SOX5: variants seen among roughly 807,000 people sequenced by gnomAD.
SOX5 encodes the protein SRY-box transcription factor 5.
A neutral mutation model predicts 92.0 loss-of-function variants in SOX5; 9 were observed. The observed-to-expected ratio is 0.10, with a 90% confidence interval of 0.06 to 0.17. SOX5 has a LOEUF of 0.17. Ranked by LOEUF, SOX5 falls within the 10% of genes least tolerant of loss-of-function variation. SOX5 has a pLI of 1.00. For missense variants in SOX5, 642 were observed against 944.5 expected, an observed-to-expected ratio of 0.68 and a Z score of 4.20; for synonymous variants, 344 against 336.3, an observed-to-expected ratio of 1.02 and a Z score of -0.25.
chr12:24,295,077 T>C (rs1167230762), intron 2 of SOX5, among the ~76,000 whole-genome samples: 4 of 152,120 alleles, frequency 2.6e-5, no homozygotes, highest in Non-Finnish European at 5.9e-5. Context: ...AGAACGTATT[T>C]ATCATGTATA....
At chr12:24,160,056 C>A (rs1019377191) in intron 4 of SOX5, among the ~76,000 whole-genome samples, 1 of 151,904 alleles carries the variant, frequency 6.6e-6, no homozygotes, top group Non-Finnish European at 1.5e-5. Flanking sequence ...AGATCACTCC[C>A]TCGAACAATA....
At chr12:24,017,677 C>G (rs1953812381) in intron 4 of SOX5, among the ~76,000 whole-genome samples, 1 of 151,870 alleles carries the variant, frequency 6.6e-6, no homozygotes, top group Admixed American at 6.6e-5. Flanking sequence ...CACCACAGAC[C>G]AGGGCCACTA....
chr12:23,764,415 G>T (rs1181821263), intron 3 of SOX5, among the ~76,000 whole-genome samples: 1 of 151,910 alleles, frequency 6.6e-6, no homozygotes, highest in African/African-American at 2.4e-5. Context: ...CAAGAATCAG[G>T]CATTTAAAAA....
intron 2 of SOX5, among the ~76,000 whole-genome samples, chr12:24,323,901 T>G (rs904616378): frequency 6.6e-6 from 1 of 152,076 alleles, no homozygotes; most frequent in African/African-American, 2.4e-5. Flanking sequence ...CTTAGCTAAG[T>G]TTCTAAATTT....
intron 4 of SOX5, among the ~76,000 whole-genome samples, chr12:23,993,214 C>T (rs1394252809): frequency 6.6e-6 from 1 of 152,118 alleles, no homozygotes; most frequent in Non-Finnish European, 1.5e-5. Flanking sequence ...CAATGAAACA[C>T]ACAATTTCAG....
intron 8 of SOX5, among the ~76,000 whole-genome samples, chr12:23,635,514 G>C (rs1329698873): frequency 6.6e-6 from 1 of 151,970 alleles, no homozygotes; most frequent in African/African-American, 2.4e-5. Flanking sequence ...ACCACACCGG[G>C]GCCTGTCGTG....
intron 1 of SOX5, among the ~76,000 whole-genome samples, chr12:24,559,720 A>T (rs762790649): frequency 1.3e-5 from 2 of 152,184 alleles, no homozygotes; most frequent in Non-Finnish European, 2.9e-5. Flanking sequence ...ATGACAACAT[A>T]CCTGAGTATA....
At chr12:23,777,260 T>C (rs34062335) in intron 3 of SOX5, among the ~76,000 whole-genome samples, 16,187 of 152,240 alleles carry the variant, frequency 0.11, 1,005 homozygotes, top group Non-Finnish European at 0.14. Context: ...GTAAAAGAAA[T>C]GATAAATTTG....
intron 3 of SOX5, among the ~76,000 whole-genome samples, chr12:23,826,547 A>G (rs78017116): frequency 0.013 from 1,940 of 152,238 alleles, 48 homozygotes; most frequent in African/African-American, 0.044. Flanking sequence ...GCTATACTAT[A>G]TAAGGACTGA....
intron 8 of SOX5, among the ~76,000 whole-genome samples, chr12:23,613,426 TC>T (rs1342287232): frequency 6.6e-6 from 1 of 151,942 alleles, no homozygotes; most frequent in Admixed American, 6.6e-5. Flanking sequence ...TGTGCAATGC[TC>T]CTGTCACTGT....
chr12:24,452,251 T>A (rs1377678923), intron 1 of SOX5, among the ~76,000 whole-genome samples: 3 of 152,222 alleles, frequency 2.0e-5, no homozygotes. Context: ...ATATTTGACA[T>A]ACATCTCTTC....
At chr12:23,795,270 C>CT (rs71445961) in intron 3 of SOX5, among the ~76,000 whole-genome samples, 16,529 of 145,702 alleles carry the variant, frequency 0.11, 1,062 homozygotes, top group Non-Finnish European at 0.16. Context: ...TTACCATTGA[C>CT]TTTTTTTTTT....
At chr12:24,527,964 A>G (rs1950856202) in intron 1 of SOX5, among the ~76,000 whole-genome samples, 1 of 152,254 alleles carries the variant, frequency 6.6e-6, no homozygotes, top group South Asian at 2.1e-4. Flanking sequence ...TTAGAGACAC[A>G]TCACTTACTT....
intron 4 of SOX5, among the ~76,000 whole-genome samples, chr12:23,983,093 G>T (rs1183743822): frequency 6.9e-6 from 1 of 144,008 alleles, no homozygotes; most frequent in African/African-American, 2.6e-5. Flanking sequence ...TAGTCACTGG[G>T]ATCTGGAGTC....
At chr12:23,785,287 A>G (rs1190473253) in intron 3 of SOX5, among the ~76,000 whole-genome samples, 1 of 152,186 alleles carries the variant, frequency 6.6e-6, no homozygotes, top group Non-Finnish European at 1.5e-5. Flanking sequence ...AGTCTTGAGA[A>G]GTTGTAAATC....
intron 1 of SOX5, among the ~76,000 whole-genome samples, chr12:24,556,633 A>C (rs994369954): frequency 2.0e-5 from 3 of 152,270 alleles, no homozygotes; most frequent in Admixed American, 6.5e-5. Context: ...TGCTAACAGG[A>C]AATCAAAAAG....
At chr12:24,457,603 C>T (rs972747414) in intron 1 of SOX5, among the ~76,000 whole-genome samples, 1 of 151,968 alleles carries the variant, frequency 6.6e-6, no homozygotes, top group Non-Finnish European at 1.5e-5. Context: ...TTATGAGCAC[C>T]AATTGTTATA....
At chr12:23,861,498 T>C (rs1302557480) in intron 2 of SOX5, among the ~76,000 whole-genome samples, 1 of 152,208 alleles carries the variant, frequency 6.6e-6, no homozygotes, top group Non-Finnish European at 1.5e-5. Context: ...TTTGGACAGA[T>C]GTTTCCACTT....
chr12:24,095,460 T>TTTAATTAA (rs1041656240), intron 4 of SOX5, among the ~76,000 whole-genome samples: 2 of 148,340 alleles, frequency 1.3e-5, no homozygotes, highest in African/African-American at 4.9e-5. Flanking sequence ...TATTTATTTA[T>TTTAATTAA]TTAATTTTAT....
Sources: gnomAD v4.1 joint callset for allele counts (sites outside exome capture counted in the v4.1 genomes callset) on GRCh38, gnomAD v4.1.1 for gene constraint, MANE v1.5 for transcripts, NCBI Gene and HGNC (gene_info 2026-07-23, HGNC 2026-07-21) for gene names.